The following SPSB1 variants were observed in gnomAD, a reference collection of about 807,000 sequenced individuals.
The protein encoded by SPSB1 is splA/ryanodine receptor domain and SOCS box containing 1.
A neutral mutation model predicts 21.2 loss-of-function variants in SPSB1; 8 were observed. The observed-to-expected ratio is 0.38, with a 90% confidence interval of 0.22 to 0.68. The LOEUF (loss-of-function observed/expected upper bound fraction) is 0.68. Ranked by LOEUF, SPSB1 falls within the 30% of genes least tolerant of loss-of-function variation. The probability of loss-of-function intolerance (pLI) is 0.53; values close to 1 mark genes in which losing one functional copy is unlikely to be tolerated. For synonymous variants in SPSB1, 169 were observed against 161.7 expected (o/e 1.05, Z -0.34); for missense variants, 242 against 377.8 (o/e 0.64, Z 2.98).
intron 1 of SPSB1, among the ~76,000 whole-genome samples, chr1:9,332,616 G>A (rs1225153558): frequency 6.6e-6 from 1 of 152,158 alleles, no homozygotes. Context: ...TGGAGGGAGA[G>A]ACCCTCAAAA....
rs142293414 is a variant in SPSB1, at chr1:9,363,902, C to T, written c.695-3546C>T. On this transcript the variant is annotated intron_variant, in intron 2 of 2. Coordinates refer to ENST00000328089, the MANE Select transcript of SPSB1 (RefSeq NM_025106.4). This position sits in a 1 kb window ranked among gnomAD's most constrained non-coding sequence, Gnocchi z 4.5. ...TTTTAATAGAGATGAGGTTTTGCCACACTGGCCAGGCTGGTCTCAAACTCC... is the reference window on the plus strand; with the variant it reads ...TTTTAATAGAGATGAGGTTTTGCCATACTGGCCAGGCTGGTCTCAAACTCC... Among the ~76,000 whole-genome samples, 195 of 152,270 alleles carry T rather than the reference C, an allele frequency of 1.3e-3. 1 individual carries two copies. The highest frequency in any genetic ancestry group is 4.6e-3 in the African/African-American group (192 of 41,560).
chr1:9,306,536 C>T lies in SPSB1; in HGVS notation c.-150+13465C>T, dbSNP rs7368328. 6.4e-3 allele frequency among the ~76,000 whole-genome samples: 979 copies of T among 152,250 alleles called. 36 individuals carry two copies. Among genetic ancestry groups the T allele is most frequent in the Admixed American group, 0.058 (883 of 15,304 alleles). On this transcript the variant is annotated intron_variant, in intron 1 of 2. Coordinates refer to ENST00000328089, the MANE Select transcript of SPSB1 (RefSeq NM_025106.4). ...CAAGTCATTCAGTCGTCATAATGTCCGTGATACCTATAGGGTAGGTACTAC... is the reference window on the plus strand; with the variant it reads ...CAAGTCATTCAGTCGTCATAATGTCTGTGATACCTATAGGGTAGGTACTAC...
At chr1:9,361,156 C>CTTTTTTTT (rs57871457) in intron 2 of SPSB1, among the ~76,000 whole-genome samples, 5 of 102,576 alleles carry the variant, frequency 4.9e-5, no homozygotes, top group African/African-American at 1.7e-4. Context: ...CTGTCATTTT[C>CTTTTTTTT]TTTTTTTTTT....
rs1209913786 is a variant in SPSB1, at chr1:9,363,546, C to A, written c.695-3902C>A. On this transcript the variant is annotated intron_variant, in intron 2 of 2. Transcript: ENST00000328089. This position sits in a 1 kb window ranked among gnomAD's most constrained non-coding sequence, Gnocchi z 4.5. ...GACCTGTAACTCTCACCTCCCCAAG[C>A]CCATTTCCCTATCTGTAGGTTGGGG... 1.3e-5 allele frequency among the ~76,000 whole-genome samples: 2 copies of A among 152,134 alleles called. No homozygotes were observed. Among genetic ancestry groups the A allele is most frequent in the Non-Finnish European group, 2.9e-5 (2 of 68,030 alleles).
chr1:9,295,860 G>A (rs1639215693), intron 1 of SPSB1, among the ~76,000 whole-genome samples: 1 of 152,214 alleles, frequency 6.6e-6, no homozygotes, highest in Non-Finnish European at 1.5e-5. Flanking sequence ...TGGTGTGCAT[G>A]ACTCAGTGTA....
chr1:9,327,148 G>A (rs1639828786), intron 1 of SPSB1, among the ~76,000 whole-genome samples: 1 of 152,140 alleles, frequency 6.6e-6, no homozygotes, highest in South Asian at 2.1e-4. Context: ...CGCTTCCGGG[G>A]GTCCCAGGAT....
rs111696305 is a variant in SPSB1, at chr1:9,345,389, G to A, written c.-149-10354G>A. Among the ~76,000 whole-genome samples the A allele has an allele frequency of 2.0e-5, 3 of 151,958 alleles. No homozygotes were observed. The highest frequency in any genetic ancestry group is 7.3e-5 in the African/African-American group (3 of 41,374). ...CCCCACCTCCTGTGTGAACCAGATG[G>A]GCCCAGTGTGTTACCCGCCGAGGCT... is the stretch of plus-strand genomic sequence containing the variant. On this transcript the variant is annotated intron_variant, in intron 1 of 2. Transcript: ENST00000328089. This position sits in a 1 kb window ranked among gnomAD's most constrained non-coding sequence, Gnocchi z 4.8.
At chr1:9,357,089 GTGGA>G (rs140221358) in intron 2 of SPSB1, among the ~76,000 whole-genome samples, 154 of 150,400 alleles carry the variant, frequency 1.0e-3, no homozygotes, top group African/African-American at 3.0e-3. Flanking sequence ...GGATGGGTGG[GTGGA>G]TGGATGGATG....
chr1:9,364,846 T>TTGC (rs1640540919), intron 2 of SPSB1, among the ~76,000 whole-genome samples: 1 of 151,964 alleles, frequency 6.6e-6, no homozygotes, highest in Non-Finnish European at 1.5e-5. Flanking sequence ...GTTGTTGTTG[T>TTGC]CGTTGTTGTT....
At position 9,293,321 on chromosome 1, in the gene SPSB1, C is replaced by T. The variant is rs1213841683; in HGVS notation, c.-150+250C>T. On this transcript the variant is annotated intron_variant, in intron 1 of 2. Coordinates refer to ENST00000328089, the MANE Select transcript of SPSB1 (RefSeq NM_025106.4). The surrounding 1 kb of genome is among the most constrained non-coding windows in gnomAD (Gnocchi z 5.1). Reference sequence around the variant, plus strand: ...GAGAGGGGCCCAGGCCCGCCCCGCGCTGCCGCCGCTGCAGGGCAGGGGGTC... The same window carrying T: ...GAGAGGGGCCCAGGCCCGCCCCGCGTTGCCGCCGCTGCAGGGCAGGGGGTC... Among the ~76,000 whole-genome samples, 2 of 148,332 alleles carry T rather than the reference C, an allele frequency of 1.3e-5. No homozygotes were observed. Among genetic ancestry groups the T allele is most frequent in the Non-Finnish European group, 3.0e-5 (2 of 66,694 alleles).
chr1:9,302,605 T>C (rs192331005), intron 1 of SPSB1, among the ~76,000 whole-genome samples: 128 of 152,290 alleles, frequency 8.4e-4, no homozygotes, highest in Non-Finnish European at 1.1e-3. Flanking sequence ...ACTCTGGGAC[T>C]CGTACGAGTG....
chr1:9,359,721 A>AT, intron 2 of SPSB1, among the ~76,000 whole-genome samples: 1 of 149,900 alleles, frequency 6.7e-6, no homozygotes, highest in African/African-American at 2.5e-5. Flanking sequence ...AAAAAAAAAA[A>AT]GTATCATTCT....
intron 1 of SPSB1, among the ~76,000 whole-genome samples, chr1:9,303,019 G>T (rs1042793901): frequency 6.6e-6 from 1 of 152,174 alleles, no homozygotes; most frequent in East Asian, 1.9e-4. Context: ...TTGAACGGGG[G>T]GTAAGGCTGC....
chr1:9,301,222 G>T (rs1639323073), intron 1 of SPSB1, among the ~76,000 whole-genome samples: 2 of 152,186 alleles, frequency 1.3e-5, no homozygotes, highest in East Asian at 1.9e-4. Flanking sequence ...TGGCATAGTG[G>T]CTCACACCTG....
Position 9,321,846 on chromosome 1 carries a change from C to G in SPSB1, c.-150+28775C>G, listed in dbSNP as rs191362809. 6.6e-6 allele frequency among the ~76,000 whole-genome samples: 1 copy of G among 152,210 alleles called. No homozygotes were observed. ...AGAGGCTCTTCAGTGGCAGAAGTAT[C>G]TTGGGTGGTGTTTTATGGGCAGAGT... On this transcript the variant is annotated intron_variant, in intron 1 of 2. Coordinates refer to ENST00000328089, the MANE Select transcript of SPSB1 (RefSeq NM_025106.4). This position sits in a 1 kb window ranked among gnomAD's most constrained non-coding sequence, Gnocchi z 4.8.
chr1:9,320,893 G>A (rs959792022), intron 1 of SPSB1, among the ~76,000 whole-genome samples: 16 of 151,908 alleles, frequency 1.1e-4, no homozygotes, highest in South Asian at 4.2e-4. Context: ...GCCACGAAAG[G>A]CTGGCCTGAT....
At chr1:9,320,725 C>T (rs529544414) in intron 1 of SPSB1, among the ~76,000 whole-genome samples, 2 of 152,338 alleles carry the variant, frequency 1.3e-5, no homozygotes, top group Admixed American at 6.5e-5. Context: ...TCGCCTCTCT[C>T]GGCTCTGGCT....
Position 9,355,973 on chromosome 1 carries a change from G to T in SPSB1, c.82G>T (p.Gly28Cys), listed in dbSNP as rs1370460525. The T allele has an allele frequency of 6.2e-7, 1 of 1,613,876 alleles. No homozygotes were observed. Among genetic ancestry groups the T allele is most frequent in the South Asian group, 1.1e-5 (1 of 91,082 alleles). Residue 28 changes from glycine (G) to cysteine (C), a missense_variant, in exon 2 of 3, where the codon GGT (glycine) becomes TGT (cysteine). By Grantham distance (159) the Gly-to-Cys change is radical. Transcript: ENST00000328089. ...TYRPLKQELQ[G>C]LDYCKPTRLD... ...CAGGCCCCTGAAGCAGGAGCTCCAG[G>T]GTCTGGATTACTGCAAGCCCACCCG...
rs571892190 is a variant in SPSB1 at position 9,343,154 on chromosome 1, G to A, written c.-149-12589G>A. Among the ~76,000 whole-genome samples the A allele has an allele frequency of 3.9e-5, 6 of 152,290 alleles. No individual in the cohort carries two copies. The South Asian group carries it at 1.2e-3, about 32-fold the overall frequency. On this transcript the variant is annotated intron_variant, in intron 1 of 2. Coordinates refer to ENST00000328089, the MANE Select transcript of SPSB1 (RefSeq NM_025106.4). ...TGGCATTGAGTACATTCGCAATATA[G>A]TATACTACCACCTCTGTCTTGTTCC...
Sources: allele counts gnomAD v4.1 joint callset (sites outside exome capture counted in the v4.1 genomes callset), GRCh38; gene constraint gnomAD v4.1.1; non-coding constraint Gnocchi (gnomAD v3.1); transcripts MANE v1.5; gene names NCBI Gene and HGNC (gene_info 2026-07-23, HGNC 2026-07-21).